WDR91: variants seen among roughly 807,000 people sequenced by gnomAD.
The protein encoded by WDR91 is WD repeat-containing protein 91.
A neutral mutation model predicts 88.4 loss-of-function variants in WDR91; 52 were observed. That is an observed-to-expected ratio of 0.59 (90% CI 0.47 to 0.74). The LOEUF (loss-of-function observed/expected upper bound fraction) is 0.74. Ranked by LOEUF, WDR91 falls within the 30% of genes least tolerant of loss-of-function variation. WDR91 has a pLI of 0.00. For missense variants in WDR91, 824 were observed against 954.5 expected, an observed-to-expected ratio of 0.86 and a Z score of 1.80; for synonymous variants, 362 against 389.5, an observed-to-expected ratio of 0.93 and a Z score of 0.83.
intron 6 of WDR91, among the ~76,000 whole-genome samples, chr7:135,201,752 T>C (rs1046887949): frequency 6.6e-6 from 1 of 152,220 alleles, no homozygotes; most frequent in Non-Finnish European, 1.5e-5. Flanking sequence ...CAAAGCAATG[T>C]GGCTTATTTA....
intron 7 of WDR91, chr7:135,197,671 T>A (rs292580): frequency 0.64 from 132,186 of 207,218 alleles, 45,384 homozygotes; most frequent in Admixed American, 0.77. Context: ...ACAGGCTGCT[T>A]AGCACAATTA....
chr7:135,198,514 T>C, intron 6 of WDR91: 1 of 193,170 alleles, frequency 5.2e-6, no homozygotes. Flanking sequence ...TATACACATT[T>C]ACAAGCAACA....
chr7:135,198,297 G>A, intron 6 of WDR91, 146 bp from the exon 7 acceptor site: 1 of 921,098 alleles, frequency 1.1e-6, no homozygotes, highest in Non-Finnish European at 1.6e-6. Flanking sequence ...ATGTAGGTGA[G>A]GTCATAGTCA....
At chr7:135,198,320 A>C in intron 6 of WDR91, 169 bp from the exon 7 acceptor site, 8 of 665,768 alleles carry the variant, frequency 1.2e-5, no homozygotes, top group South Asian at 2.3e-5. Flanking sequence ...CCCTGCTATG[A>C]CCTCCTCCTT....
chr7:135,210,975 A>G, intron 1 of WDR91: 3 of 700,392 alleles, frequency 4.3e-6, no homozygotes, highest in South Asian at 3.0e-5. Flanking sequence ...ACTTGAACGC[A>G]GCTAACGTTT....
chr7:135,208,786 G>A lies in WDR91; in HGVS notation c.511+5C>T. The A allele has an allele frequency of 6.3e-7, 1 of 1,595,004 alleles. No homozygotes were observed. The highest frequency in any genetic ancestry group is 8.6e-7 in the Non-Finnish European group (1 of 1,168,744). ...GCCTTCAGCCCCAGGCAACTGAAAG[G>A]ATATGCATGCACTGAAACAGGACGC... On this transcript the variant is annotated splice_donor_5th_base_variant and intron_variant, in intron 3 of 14. Coordinates refer to ENST00000354475, the MANE Select transcript of WDR91 (RefSeq NM_014149.4).
chr7:135,196,449 T>C lies in WDR91; in HGVS notation c.1051-112A>G. On this transcript the variant is annotated intron_variant, in intron 7 of 14. Transcript: ENST00000354475. This position sits in a 1 kb window ranked among gnomAD's most constrained non-coding sequence, Gnocchi z 4.2. ...CAGCATTTTGCGGGGTTCTCGGTAA[T>C]TACAGAGTGGAGAGGAGAGCTCTGA... 2.8e-6 allele frequency: 3 copies of C among 1,072,144 alleles called. No homozygotes were observed. The highest frequency in any genetic ancestry group is 2.6e-6 in the Non-Finnish European group (2 of 779,520). The allele number at this position is 1,072,144 out of a possible 1,614,324, so 66.4% of individuals were successfully genotyped here.
At chr7:135,186,917 G>T in intron 14 of WDR91, 55 bp downstream of exon 14, 1 of 1,606,058 alleles carries the variant, frequency 6.2e-7, no homozygotes, top group Non-Finnish European at 8.5e-7. Flanking sequence ...GACCTCCAGG[G>T]AGGAACCCCT....
At chr7:135,210,883 G>A (rs1309451858) in intron 1 of WDR91, 1 of 703,680 alleles carries the variant, frequency 1.4e-6, no homozygotes, top group Non-Finnish European at 2.6e-6. Flanking sequence ...TTTCTCTAAT[G>A]TGCCATGAGG....
At chr7:135,210,995 G>T (rs1831995843) in intron 1 of WDR91, 1 of 686,390 alleles carries the variant, frequency 1.5e-6, no homozygotes, top group Non-Finnish European at 2.7e-6. Flanking sequence ...TTGGACTGCA[G>T]ACTTCTTTGC....
intron 8 of WDR91, among the ~76,000 whole-genome samples, chr7:135,195,941 T>G (rs1831346749): frequency 6.6e-6 from 1 of 150,930 alleles, no homozygotes; most frequent in South Asian, 2.1e-4. Flanking sequence ...AGCAAGACTC[T>G]GTCTCAATAA....
chr7:135,206,796 C>T (rs1013410350), intron 4 of WDR91, among the ~76,000 whole-genome samples: 2 of 151,124 alleles, frequency 1.3e-5, no homozygotes, highest in African/African-American at 2.4e-5. Flanking sequence ...TATAGCTATA[C>T]GTGGAAAGAC....
In WDR91 at chr7:135,185,048, T is replaced by G. The variant is rs1487978922; in HGVS notation, c.*1103A>C. The G allele has an allele frequency of 6.6e-6, 1 of 152,190 alleles. No homozygotes were observed. The highest frequency in any genetic ancestry group is 1.5e-5 in the Non-Finnish European group (1 of 68,110). 9.4% of individuals were successfully genotyped at this position (152,190 alleles called of 1,614,324 possible). On this transcript the variant is annotated 3_prime_UTR_variant, in exon 15 of 15. Transcript: ENST00000354475. Reference sequence around the variant, plus strand: ...CCATGCCTGGCTAATTTTGGTATTTTTAGTAGAGATGGGGTTTCACCATGT... The same window carrying G: ...CCATGCCTGGCTAATTTTGGTATTTGTAGTAGAGATGGGGTTTCACCATGT...
chr7:135,211,245 C>T (rs2117740079), intron 1 of WDR91, 135 bp downstream of exon 1: 8 of 1,366,994 alleles, frequency 5.9e-6, no homozygotes, highest in Non-Finnish European at 7.7e-6. Flanking sequence ...AAGCTGGGGT[C>T]GGACGCGCTG....
rs1255541651 is a variant in WDR91, at chr7:135,189,367, G to A, written c.1745C>T (p.Ala582Val). The change falls in exon 12 of 15, where the codon GCT becomes GTT. Residue 582 changes from alanine (A) to valine (V), a missense_variant. Transcript: ENST00000354475. ...ACCAAACAGCCGGATGACGCCATCA[G>A]CTGCCCCTGTGACCAGCAGGTTCCC... The part of the protein sequence containing the change: ...HNGNLLVTGA[A>V]DGVIRLFDMQ... 3 of 1,613,766 alleles carry A rather than the reference G, an allele frequency of 1.9e-6. No homozygotes were observed. In the Admixed American group the frequency reaches 5.0e-5, roughly 27 times the overall value.
intron 6 of WDR91, chr7:135,199,435 C>T (rs292585): frequency 0.68 from 103,353 of 152,040 alleles, 35,828 homozygotes; most frequent in Admixed American, 0.79. Context: ...ACAAAAGCCA[C>T]GGAGAGGTAA....
chr7:135,187,051 G>A lies in WDR91; in HGVS notation c.2000C>T (p.Pro667Leu), dbSNP rs758112199. ...GTCAAAAGCGAAGAGTCGGCCCCTG[G>A]GGACTTGAACCTGCTTGTAGCCGCT... The part of the protein sequence containing the change: ...GYSGYKQVQV[P>L]RGRLFAFDSE... The change falls in exon 14 of 15, where the codon CCC becomes CTC. Residue 667 changes from proline (P) to leucine (L), a missense_variant. By Grantham distance (98) the Pro-to-Leu change is moderately conservative. Coordinates refer to ENST00000354475, the MANE Select transcript of WDR91 (RefSeq NM_014149.4). 1.9e-6 allele frequency: 3 copies of A among 1,614,250 alleles called. No individual in the cohort carries two copies. The highest frequency in any genetic ancestry group is 1.1e-5 in the South Asian group (1 of 91,090).
intron 9 of WDR91, 70 bp from the exon 10 acceptor site, chr7:135,193,742 AGGGGGTGAGGCTGGGCAGGCTGT>A: frequency 7.2e-7 from 1 of 1,393,052 alleles, no homozygotes; most frequent in Non-Finnish European, 1.0e-6. Flanking sequence ...GGATCTCCAG[AGGGGGTGAGGCTGGGCAGGCTGT>A]GGGGGTGAGG....
rs1385298723 is a variant in WDR91, at chr7:135,208,877, G to A, written c.425C>T (p.Thr142Ile). The A allele has an allele frequency of 6.8e-6, 11 of 1,614,188 alleles. No homozygotes were observed. The highest frequency in any genetic ancestry group is 9.3e-6 in the Non-Finnish European group (11 of 1,180,036). Residue 142 changes from threonine (T) to isoleucine (I), a missense_variant, in exon 3 of 15, where the codon ACC (threonine) becomes ATC (isoleucine). Coordinates refer to ENST00000354475, the MANE Select transcript of WDR91 (RefSeq NM_014149.4). ...PFLPSPDTNP[T>I]FATYFSRQWA... The stretch of plus-strand genomic sequence containing the variant: ...CTGTCGAGAAAAGTAGGTAGCAAAG[G>A]TGGGGTTGGTGTCCGGGGATGGCAG...
Sources: gnomAD v4.1 joint callset for allele counts (sites outside exome capture counted in the v4.1 genomes callset) on GRCh38, gnomAD v4.1.1 for gene constraint, Gnocchi (gnomAD v3.1) non-coding constraint, MANE v1.5 for transcripts, NCBI Gene and HGNC (gene_info 2026-07-23, HGNC 2026-07-21) for gene names.